APBB1IP: variants seen among roughly 807,000 people sequenced by gnomAD.
APBB1IP encodes the protein amyloid beta precursor protein binding family B member 1 interacting protein, also known as amyloid beta A4 precursor protein-binding family B member 1-interacting protein.
Under a neutral mutation model 64.9 loss-of-function variants are expected in APBB1IP, and 27 were observed. The ratio of observed to expected loss-of-function variants is 0.42; its 90% CI spans 0.31 to 0.57. The LOEUF (loss-of-function observed/expected upper bound fraction) is 0.57, where lower values mean the gene tolerates loss of function less well. Ranked by LOEUF, APBB1IP falls within the 20% of genes least tolerant of loss-of-function variation. APBB1IP has a pLI of 0.20. For synonymous variants in APBB1IP, 392 were observed against 331.0 expected, an observed-to-expected ratio of 1.18 and a Z score of -2.00; for missense variants, 812 against 845.5, an observed-to-expected ratio of 0.96 and a Z score of 0.49.
In APBB1IP at chr10:26,513,674, C is replaced by T; in HGVS notation, c.813+14C>T. The T allele has an allele frequency of 3.1e-6, 5 of 1,599,630 alleles. No individual in the cohort carries two copies. The highest frequency in any genetic ancestry group is 4.3e-6 in the Non-Finnish European group (5 of 1,176,398). On this transcript the variant is annotated intron_variant, in intron 8 of 14. Coordinates refer to ENST00000376236, the MANE Select transcript of APBB1IP (RefSeq NM_019043.4). ...AAAAACCCCCAGGTAAGATGATCTGCATATTGTTAAACCCTATAAAGTACA... is the reference window on the plus strand; with the variant it reads ...AAAAACCCCCAGGTAAGATGATCTGTATATTGTTAAACCCTATAAAGTACA...
chr10:26,509,955 T>C (rs1295666228), intron 6 of APBB1IP, among the ~76,000 whole-genome samples: 2 of 152,106 alleles, frequency 1.3e-5, no homozygotes, highest in African/African-American at 4.8e-5. Context: ...GAATAAGATC[T>C]TTTTTGTTGT....
At chr10:26,530,456 C>A (rs1836536839) in intron 8 of APBB1IP, among the ~76,000 whole-genome samples, 1 of 151,926 alleles carries the variant, frequency 6.6e-6, no homozygotes, top group African/African-American at 2.4e-5. Context: ...CTTTGGGAGG[C>A]CGAGGCGGGC....
chr10:26,529,962 C>T (rs1836528085), intron 8 of APBB1IP, among the ~76,000 whole-genome samples: 1 of 152,156 alleles, frequency 6.6e-6, no homozygotes, highest in Non-Finnish European at 1.5e-5. Context: ...ATTATGCTCT[C>T]TGTTCATGCT....
intron 13 of APBB1IP, among the ~76,000 whole-genome samples, chr10:26,561,284 G>C (rs1334763433): frequency 6.6e-6 from 1 of 150,644 alleles, no homozygotes; most frequent in Non-Finnish European, 1.5e-5. Context: ...TAGCCAGGGT[G>C]GTCTTGATCT....
At chr10:26,534,395 T>C (rs1836593623) in intron 9 of APBB1IP, among the ~76,000 whole-genome samples, 1 of 151,416 alleles carries the variant, frequency 6.6e-6, no homozygotes, top group African/African-American at 2.4e-5. Context: ...ATGCTAGAAC[T>C]GCCCAGGTTG....
chr10:26,560,185 G>A lies in APBB1IP; in HGVS notation c.1236G>A (p.Met412Ile). 1.2e-6 allele frequency: 2 copies of A among 1,614,042 alleles called. No homozygotes were observed. Among genetic ancestry groups the A allele is most frequent in the Non-Finnish European group, 1.7e-6 (2 of 1,179,954 alleles). ...DDTRTLNQWVMGIRIAKYGKT... is the reference protein window; with the variant it reads ...DDTRTLNQWVIGIRIAKYGKT... ...CAAGAACCCTTAACCAGTGGGTCAT[G>A]GGAATACGGATAGCCAAGGTGAGAG... Residue 412 changes from methionine to isoleucine, a missense_variant, in exon 12 of 15, where the codon ATG (methionine) becomes ATA (isoleucine). This residue lies in a region of APBB1IP where 37 missense variants were observed against 80.4 expected (regional missense o/e 0.46). Coordinates refer to ENST00000376236, the MANE Select transcript of APBB1IP (RefSeq NM_019043.4).
At chr10:26,513,432 C>T (rs12783959) in intron 7 of APBB1IP, 107 bp from the exon 8 acceptor site, 260,672 of 1,238,300 alleles carry the variant, frequency 0.21, 30,096 homozygotes, top group East Asian at 0.4. Flanking sequence ...ATAAGAATCC[C>T]AGGCACCTGA....
At chr10:26,533,342 C>T in intron 8 of APBB1IP, 97 bp from the exon 9 acceptor site, 1 of 656,892 alleles carries the variant, frequency 1.5e-6, no homozygotes, top group South Asian at 2.9e-5. Flanking sequence ...TTGTTTCACA[C>T]ACTTAACATC....
intron 2 of APBB1IP, among the ~76,000 whole-genome samples, chr10:26,466,934 GA>G (rs113933686): frequency 0.043 from 6,168 of 144,708 alleles, 406 homozygotes; most frequent in African/African-American, 0.14. Context: ...AGACCCTATG[GA>G]AAAAAAAAAA....
At chr10:26,456,012 G>A (rs995473038) in intron 2 of APBB1IP, among the ~76,000 whole-genome samples, 3 of 152,210 alleles carry the variant, frequency 2.0e-5, no homozygotes, top group African/African-American at 4.8e-5. Flanking sequence ...CCACATTAAT[G>A]TATCATCCCA....
At chr10:26,480,310 T>C (rs1358993793) in intron 2 of APBB1IP, among the ~76,000 whole-genome samples, 1 of 152,040 alleles carries the variant, frequency 6.6e-6, no homozygotes, top group African/African-American at 2.4e-5. Context: ...AGAACAGTGT[T>C]GTGTTGTGTG....
At chr10:26,488,139 A>G (rs1327514847) in intron 2 of APBB1IP, among the ~76,000 whole-genome samples, 1 of 152,152 alleles carries the variant, frequency 6.6e-6, no homozygotes, top group East Asian at 1.9e-4. Flanking sequence ...TAACTTAAAA[A>G]CCCATGACAA....
intron 9 of APBB1IP, among the ~76,000 whole-genome samples, chr10:26,535,037 G>C (rs920665783): frequency 3.9e-5 from 6 of 152,130 alleles, no homozygotes; most frequent in Non-Finnish European, 5.9e-5. Flanking sequence ...AACTAAATGA[G>C]AGGATGTTGA....
At chr10:26,453,186 G>A (rs910861422) in intron 2 of APBB1IP, among the ~76,000 whole-genome samples, 2 of 152,224 alleles carry the variant, frequency 1.3e-5, no homozygotes, top group Non-Finnish European at 2.9e-5. Flanking sequence ...GATGCTGCCA[G>A]AATGGAGCTG....
intron 5 of APBB1IP, among the ~76,000 whole-genome samples, chr10:26,502,803 G>A (rs1220513713): frequency 1.3e-5 from 2 of 152,168 alleles, no homozygotes; most frequent in Non-Finnish European, 2.9e-5. Context: ...TCAATCTATA[G>A]ATTCCTTAGG....
At chr10:26,551,729 A>G (rs1348007184) in intron 11 of APBB1IP, among the ~76,000 whole-genome samples, 2 of 152,204 alleles carry the variant, frequency 1.3e-5, no homozygotes, top group Non-Finnish European at 2.9e-5. Context: ...ACAATGAAAA[A>G]TTATATTACT....
chr10:26,444,427 G>A (rs1835369932), intron 2 of APBB1IP, among the ~76,000 whole-genome samples: 1 of 152,098 alleles, frequency 6.6e-6, no homozygotes, highest in Non-Finnish European at 1.5e-5. Flanking sequence ...AAACCTGGGG[G>A]AGCAGAGGTG....
chr10:26,502,900 C>T (rs1836124344), intron 5 of APBB1IP, among the ~76,000 whole-genome samples: 1 of 152,146 alleles, frequency 6.6e-6, no homozygotes, highest in Non-Finnish European at 1.5e-5. Flanking sequence ...TTTTAAGTTA[C>T]CATTCCCAAG....
chr10:26,507,272 C>G lies in APBB1IP; in HGVS notation c.531+3998C>G, dbSNP rs893389478. 3.9e-5 allele frequency among the ~76,000 whole-genome samples: 6 copies of G among 152,114 alleles called. 1 individual carries two copies. Among genetic ancestry groups the G allele is most frequent in the Middle Eastern group, 6.3e-3 (2 of 316 alleles). On this transcript the variant is annotated intron_variant, in intron 6 of 14. Transcript: ENST00000376236. ...CTTTGGGAGGCCGAGGCAGGAGGAT[C>G]GCCTGAGGTCAGGAGTTAAGACCAG...
Sources: allele counts gnomAD v4.1 joint callset (sites outside exome capture counted in the v4.1 genomes callset), GRCh38; gene constraint gnomAD v4.1.1; regional missense constraint gnomAD v4.1.1; transcripts MANE v1.5; gene names NCBI Gene and HGNC (gene_info 2026-07-23, HGNC 2026-07-21).